The following TBPL2 variants were observed in gnomAD, a reference collection of about 807,000 sequenced individuals.
TBPL2 encodes the protein TATA-box binding protein like 2.
Under a neutral mutation model 38.2 loss-of-function variants are expected in TBPL2, and 40 were observed. That is an observed-to-expected ratio of 1.05 (90% confidence interval 0.81 to 1.36). The LOEUF is 1.36. TBPL2 is among the 40% of genes most tolerant of loss of function. The pLI is 0.00. For synonymous variants in TBPL2, 169 were observed against 171.7 expected, an observed-to-expected ratio of 0.98 and a Z score of 0.12; for missense variants, 461 against 456.7, an observed-to-expected ratio of 1.01 and a Z score of -0.09.
intron 4 of TBPL2, among the ~76,000 whole-genome samples, chr14:55,429,262 G>A (rs1252757691): frequency 1.3e-5 from 2 of 152,164 alleles, no homozygotes; most frequent in Non-Finnish European, 2.9e-5. Context: ...TTGCTAAAAC[G>A]ATTCCAAGGA....
chr14:55,418,404 C>T (rs1389260118), intron 6 of TBPL2, among the ~76,000 whole-genome samples: 1 of 152,250 alleles, frequency 6.6e-6, no homozygotes, highest in East Asian at 1.9e-4. Context: ...TACATCAAGT[C>T]ATAACTGCAC....
intron 6 of TBPL2, among the ~76,000 whole-genome samples, chr14:55,416,384 G>A (rs1359362891): frequency 1.3e-5 from 2 of 152,068 alleles, no homozygotes; most frequent in African/African-American, 4.8e-5. Flanking sequence ...TTGAGCCCAG[G>A]AGTTTGAGAC....
intron 4 of TBPL2, among the ~76,000 whole-genome samples, chr14:55,432,953 T>A (rs1176229315): frequency 6.6e-6 from 1 of 152,134 alleles, no homozygotes; most frequent in East Asian, 1.9e-4. Flanking sequence ...CTTTAGAAAG[T>A]TCTATCCATT....
chr14:55,433,534 G>T, intron 4 of TBPL2, 96 bp downstream of exon 4: 2 of 1,151,672 alleles, frequency 1.7e-6, no homozygotes, highest in Non-Finnish European at 2.5e-6. Context: ...AAGGCATTTT[G>T]CTTCTACTAT....
chr14:55,430,960 C>G (rs976212774), intron 4 of TBPL2, among the ~76,000 whole-genome samples: 13 of 152,320 alleles, frequency 8.5e-5, no homozygotes, highest in South Asian at 6.2e-4. Flanking sequence ...TCTAAGGACA[C>G]AGAAGTTTCT....
At chr14:55,437,468 A>G (rs1886035350) in intron 1 of TBPL2, among the ~76,000 whole-genome samples, 1 of 152,196 alleles carries the variant, frequency 6.6e-6, no homozygotes, top group Non-Finnish European at 1.5e-5. Context: ...TCAGAGCGAG[A>G]CTCCATCTAA....
At chr14:55,427,186 A>G (rs1487662766) in intron 5 of TBPL2, among the ~76,000 whole-genome samples, 1 of 152,182 alleles carries the variant, frequency 6.6e-6, no homozygotes, top group Non-Finnish European at 1.5e-5. Context: ...AAAGATACCT[A>G]AAGAGGCAAC....
chr14:55,439,856 G>C (rs920536051), intron 1 of TBPL2, among the ~76,000 whole-genome samples: 1 of 147,856 alleles, frequency 6.8e-6, no homozygotes. Flanking sequence ...GCGTGAACCT[G>C]GGAGGCAGAG....
At chr14:55,427,531 G>C (rs892380952) in intron 5 of TBPL2, among the ~76,000 whole-genome samples, 4 of 152,108 alleles carry the variant, frequency 2.6e-5, no homozygotes. Context: ...AAGATAAGGC[G>C]TTGGAATGAA....
intron 5 of TBPL2, 49 bp from the exon 6 acceptor site, chr14:55,424,302 T>C: frequency 5.6e-6 from 7 of 1,253,536 alleles, no homozygotes; most frequent in Non-Finnish European, 7.0e-6. Context: ...ATTCAGCTCC[T>C]TTCCCATAAC....
chr14:55,435,019 G>C (rs547025606), intron 3 of TBPL2, among the ~76,000 whole-genome samples: 1 of 152,232 alleles, frequency 6.6e-6, no homozygotes, highest in South Asian at 2.1e-4. Flanking sequence ...ATTGAAAACA[G>C]GATGCCTGGC....
chr14:55,440,535 G>T lies in TBPL2; in HGVS notation c.11C>A (p.Ala4Glu), dbSNP rs201719021. 2.6e-4 allele frequency: 423 copies of T among 1,604,016 alleles called. 1 individual carries two copies. The highest frequency in any genetic ancestry group is 3.5e-4 in the Non-Finnish European group (409 of 1,176,248). ...CCTCGGAACCCGCTCCGGCCAGGGCGCAGAGGCCATTTATGAGCCTGGGGG... is the reference window on the plus strand; with the variant it reads ...CCTCGGAACCCGCTCCGGCCAGGGCTCAGAGGCCATTTATGAGCCTGGGGG... The change falls in exon 1 of 7, where the codon GCG (alanine) becomes GAG (glutamate). Residue 4 changes from alanine (A) to glutamate (E), a missense_variant. Ala to Glu is a moderately radical substitution (Grantham distance 107). Coordinates refer to ENST00000247219, the Ensembl canonical transcript of TBPL2.
rs771947543 is a variant in TBPL2 at position 55,414,339 on chromosome 14, A to G, written c.*40T>C. ...CTGTTTCTGTGCTGGGCTTATGGAC[A>G]TATTCAAACCAGAATAATGTGAGAT... is the stretch of plus-strand genomic sequence containing the variant. On this transcript the variant is annotated 3_prime_UTR_variant, in exon 7 of 7. Coordinates refer to ENST00000247219, the Ensembl canonical transcript of TBPL2. The G allele has an allele frequency of 1.5e-5, 22 of 1,447,248 alleles. No individual in the cohort carries two copies. The Middle Eastern group carries it at 5.3e-4, about 35-fold the overall frequency. 89.7% of individuals were successfully genotyped at this position (1,447,248 alleles called of 1,614,324 possible). A position where few individuals can be genotyped will look rare whatever the true frequency, so the allele number is the denominator to read the frequency against.
rs144202148 is a variant in TBPL2, at chr14:55,430,218, C to G, written c.789-1244G>C. On this transcript the variant is annotated intron_variant, in intron 4 of 6. Coordinates refer to ENST00000247219, the Ensembl canonical transcript of TBPL2. ...TTCCACCCCCCTCATGGGTTTGGCC[C>G]TATTTTTAGGCTGTAAATCAGAAAC... Among the ~76,000 whole-genome samples, 613 of 152,074 alleles carry G rather than the reference C, an allele frequency of 4.0e-3. 2 individuals carry two copies. The highest frequency in any genetic ancestry group is 6.7e-3 in the Non-Finnish European group (455 of 67,978).
chr14:55,426,277 A>AT (rs1162320788), intron 5 of TBPL2, among the ~76,000 whole-genome samples: 1 of 149,788 alleles, frequency 6.7e-6, no homozygotes, highest in Non-Finnish European at 1.5e-5. Flanking sequence ...CAAAAAAAAA[A>AT]AATAAATAAA....
At chr14:55,431,700 C>T (rs915811536) in intron 4 of TBPL2, among the ~76,000 whole-genome samples, 1 of 152,168 alleles carries the variant, frequency 6.6e-6, no homozygotes, top group African/African-American at 2.4e-5. Context: ...AATGTAGTAA[C>T]AATGGATCCT....
intron 6 of TBPL2, among the ~76,000 whole-genome samples, chr14:55,422,999 T>C (rs1261572042): frequency 1.3e-5 from 2 of 151,554 alleles, no homozygotes; most frequent in African/African-American, 4.9e-5. Flanking sequence ...CAGGAAAAAA[T>C]AACAAATATA....
At chr14:55,433,106 TA>T (rs1281178611) in intron 4 of TBPL2, among the ~76,000 whole-genome samples, 1 of 152,088 alleles carries the variant, frequency 6.6e-6, no homozygotes, top group Non-Finnish European at 1.5e-5. Context: ...GGGGAAACTG[TA>T]AAATGGGGAT....
chr14:55,420,526 C>T (rs1335017860), intron 6 of TBPL2, among the ~76,000 whole-genome samples: 2 of 152,304 alleles, frequency 1.3e-5, no homozygotes, highest in East Asian at 3.9e-4. Flanking sequence ...AATTATTTAT[C>T]ATTTCAGTAG....
Sources: gnomAD v4.1 joint callset for allele counts (sites outside exome capture counted in the v4.1 genomes callset) on GRCh38, gnomAD v4.1.1 for gene constraint, MANE v1.5 for transcripts, NCBI Gene and HGNC (gene_info 2026-07-23, HGNC 2026-07-21) for gene names.